Variants in REC114 observed in about 807,000 individuals in gnomAD.
REC114 encodes the protein REC114 meiotic recombination protein, also known as meiotic recombination protein REC114.
In REC114, 27 loss-of-function variants were observed where a neutral mutation model predicts 31.3. That is an observed-to-expected ratio of 0.86 (90% CI 0.64 to 1.19). The LOEUF is 1.19. Among genes scored for constraint, REC114 ranks in the 50% most tolerant of loss-of-function variants. The pLI is 0.00. For synonymous variants in REC114, 134 were observed against 127.7 expected (o/e 1.05, Z -0.33); for missense variants, 344 against 326.9 (o/e 1.05, Z -0.40).
At chr15:73,449,593 C>T (rs960964282) in intron 1 of REC114, among the ~76,000 whole-genome samples, 3 of 152,114 alleles carry the variant, frequency 2.0e-5, no homozygotes, top group Admixed American at 6.5e-5. Flanking sequence ...TCCAGGAGAA[C>T]TTCCCCAATC....
intron 2 of REC114, among the ~76,000 whole-genome samples, chr15:73,496,307 G>T (rs555056391): frequency 8.0e-6 from 1 of 125,652 alleles, no homozygotes; most frequent in East Asian, 2.4e-4. Flanking sequence ...AGCTGAGATC[G>T]TGCCACTGCA....
At chr15:73,526,101 T>C (rs1403942005) in intron 2 of REC114, among the ~76,000 whole-genome samples, 1 of 152,208 alleles carries the variant, frequency 6.6e-6, no homozygotes, top group Non-Finnish European at 1.5e-5. Flanking sequence ...TCTCTGGTAA[T>C]GATCCTTGAC....
At chr15:73,447,034 C>A (rs1375116009) in intron 1 of REC114, among the ~76,000 whole-genome samples, 2 of 152,012 alleles carry the variant, frequency 1.3e-5, no homozygotes, top group African/African-American at 4.8e-5. Flanking sequence ...TTTTGGAGAC[C>A]AAAATGAAAA....
chr15:73,553,695 C>T (rs998808229), intron 4 of REC114, among the ~76,000 whole-genome samples: 2 of 152,136 alleles, frequency 1.3e-5, no homozygotes, highest in African/African-American at 2.4e-5. Flanking sequence ...AGCTACAGCC[C>T]CAGATGAAGG....
chr15:73,456,204 TTAGTCTACTAATA>T (rs1353262112), intron 1 of REC114, among the ~76,000 whole-genome samples: 1 of 152,116 alleles, frequency 6.6e-6, no homozygotes, highest in Non-Finnish European at 1.5e-5. Context: ...TGAATATAAT[TTAGTCTACTAATA>T]AGTAGACTAA....
chr15:73,468,527 C>T (rs1301633527), intron 1 of REC114, among the ~76,000 whole-genome samples: 3 of 152,110 alleles, frequency 2.0e-5, no homozygotes, highest in Non-Finnish European at 2.9e-5. Flanking sequence ...AGTTTTACTT[C>T]TTTCCAATCT....
At chr15:73,482,894 A>AT (rs199807391) in intron 2 of REC114, among the ~76,000 whole-genome samples, 2,076 of 139,672 alleles carry the variant, frequency 0.015, 43 homozygotes, top group African/African-American at 0.039. Flanking sequence ...TCTATTTTTG[A>AT]TTTTTTTTTT....
At chr15:73,446,364 G>C (rs1892764992) in intron 1 of REC114, among the ~76,000 whole-genome samples, 2 of 152,244 alleles carry the variant, frequency 1.3e-5, no homozygotes. Flanking sequence ...AGGTAGCTGG[G>C]TGTGGTGGCT....
intron 2 of REC114, among the ~76,000 whole-genome samples, chr15:73,514,667 C>T (rs1163436925): frequency 1.3e-5 from 2 of 151,912 alleles, no homozygotes; most frequent in African/African-American, 2.4e-5. Flanking sequence ...ATATGATAGG[C>T]ATTAAAAATT....
intron 1 of REC114, among the ~76,000 whole-genome samples, chr15:73,451,493 C>T (rs4513536): frequency 1.3e-5 from 2 of 152,194 alleles, no homozygotes; most frequent in South Asian, 4.1e-4. Context: ...TAATGAATAG[C>T]CTACCAACTA....
chr15:73,453,492 G>T (rs1892879125), intron 1 of REC114, among the ~76,000 whole-genome samples: 1 of 152,186 alleles, frequency 6.6e-6, no homozygotes, highest in Non-Finnish European at 1.5e-5. Context: ...AGGATGTGGA[G>T]AAATAGGAAC....
chr15:73,559,352 C>T (rs574872313), intron 5 of REC114, among the ~76,000 whole-genome samples: 1 of 152,328 alleles, frequency 6.6e-6, no homozygotes, highest in African/African-American at 2.4e-5. Flanking sequence ...CTGCTCACAT[C>T]CACTCTGCCA....
intron 1 of REC114, among the ~76,000 whole-genome samples, chr15:73,460,936 T>G (rs1892980973): frequency 6.6e-6 from 1 of 152,152 alleles, no homozygotes. Context: ...TGGCTACTGA[T>G]AGAGGTGATG....
At chr15:73,459,341 T>C (rs953540935) in intron 1 of REC114, among the ~76,000 whole-genome samples, 16 of 151,976 alleles carry the variant, frequency 1.1e-4, no homozygotes, top group Non-Finnish European at 2.9e-5. Context: ...GCGATTCTCC[T>C]GCCCCAGCCT....
At chr15:73,554,805 A>G (rs113837203) in intron 4 of REC114, among the ~76,000 whole-genome samples, 2,210 of 152,282 alleles carry the variant, frequency 0.015, 59 homozygotes, top group African/African-American at 0.048. Context: ...CCACTTAGCT[A>G]TTTTTTAGTG....
chr15:73,472,969 T>C (rs555083724), intron 1 of REC114, among the ~76,000 whole-genome samples: 20 of 152,122 alleles, frequency 1.3e-4, no homozygotes, highest in Non-Finnish European at 1.9e-4. Context: ...GGCAATAGTA[T>C]TGCAAGTAAT....
intron 2 of REC114, among the ~76,000 whole-genome samples, chr15:73,499,047 A>G (rs16957937): frequency 6.6e-6 from 1 of 152,084 alleles, no homozygotes; most frequent in South Asian, 2.1e-4. Context: ...TGTTTGCAGA[A>G]TGGTGCTCAG....
intron 2 of REC114, among the ~76,000 whole-genome samples, chr15:73,518,342 C>G (rs1455109410): frequency 6.6e-6 from 1 of 152,170 alleles, no homozygotes; most frequent in Non-Finnish European, 1.5e-5. Context: ...TTAGCTGTGT[C>G]TCTCCCTGTC....
intron 1 of REC114, among the ~76,000 whole-genome samples, chr15:73,461,351 T>C (rs1892985571): frequency 1.3e-5 from 2 of 152,148 alleles, no homozygotes; most frequent in Non-Finnish European, 2.9e-5. Context: ...TTGCACACTT[T>C]TCATATTTTA....
Sources: allele counts gnomAD v4.1 joint callset (sites outside exome capture counted in the v4.1 genomes callset), GRCh38; gene constraint gnomAD v4.1.1; transcripts MANE v1.5; gene names NCBI Gene and HGNC (gene_info 2026-07-23, HGNC 2026-07-21).